The following STAU2 variants were observed in gnomAD, a reference collection of about 807,000 sequenced individuals.
STAU2 encodes staufen double-stranded RNA binding protein 2.
STAU2 carries 20 observed loss-of-function variants against 65.9 expected under a neutral mutation model. The ratio of observed to expected loss-of-function variants is 0.30; its 90% CI spans 0.21 to 0.44. STAU2 has a LOEUF of 0.44. Among genes scored for constraint, STAU2 ranks in the 20% least tolerant of loss-of-function variants. The pLI, the probability that STAU2 is intolerant of heterozygous loss-of-function variation, is 1.00. For missense variants in STAU2, 558 were observed against 683.9 expected (o/e 0.82, Z 2.05); for synonymous variants, 232 against 233.9 (o/e 0.99, Z 0.07).
intron 14 of STAU2, among the ~76,000 whole-genome samples, chr8:73,421,875 G>A (rs1000845423): frequency 2.0e-5 from 3 of 151,430 alleles, no homozygotes; most frequent in African/African-American, 7.3e-5. Context: ...GTTATCTCCT[G>A]CATGTGTTCT....
intron 13 of STAU2, among the ~76,000 whole-genome samples, chr8:73,455,656 TC>T (rs1292264642): frequency 6.6e-6 from 1 of 152,088 alleles, no homozygotes; most frequent in Non-Finnish European, 1.5e-5. Context: ...CCTCTTATCT[TC>T]CTCTGAAAAA....
At chr8:73,469,508 C>A (rs1199650215) in intron 13 of STAU2, among the ~76,000 whole-genome samples, 1 of 150,036 alleles carries the variant, frequency 6.7e-6, no homozygotes, top group East Asian at 1.9e-4. Context: ...TGGATGGAGA[C>A]TGAGTAGAAG....
At chr8:73,490,287 C>T (rs1242244912) in intron 13 of STAU2, among the ~76,000 whole-genome samples, 3 of 152,016 alleles carry the variant, frequency 2.0e-5, no homozygotes, top group Non-Finnish European at 2.9e-5. Flanking sequence ...CACCGCGCAA[C>T]CCTCTGCCTC....
At chr8:73,435,514 C>G (rs1021001793) in intron 13 of STAU2, among the ~76,000 whole-genome samples, 1 of 151,912 alleles carries the variant, frequency 6.6e-6, no homozygotes, top group Non-Finnish European at 1.5e-5. Flanking sequence ...GCAGGTAGCA[C>G]TCCATATTTC....
intron 6 of STAU2, among the ~76,000 whole-genome samples, chr8:73,641,593 C>A (rs1814973086): frequency 6.6e-6 from 1 of 152,062 alleles, no homozygotes; most frequent in Admixed American, 6.5e-5. Context: ...GATCTATGGC[C>A]AATTGAGTCT....
chr8:73,736,687 A>T (rs1034943425), intron 3 of STAU2, among the ~76,000 whole-genome samples: 1 of 152,230 alleles, frequency 6.6e-6, no homozygotes, highest in African/African-American at 2.4e-5. Context: ...TCTAAGATGT[A>T]TAAAGACATC....
intron 12 of STAU2, among the ~76,000 whole-genome samples, chr8:73,558,207 G>A (rs1476743386): frequency 6.6e-6 from 1 of 152,208 alleles, no homozygotes; most frequent in Non-Finnish European, 1.5e-5. Context: ...CTTAAATCCA[G>A]TAAGTAAATG....
In STAU2 at chr8:73,653,729, G is replaced by T. The variant is rs1816082888; in HGVS notation, c.410+19378C>A. On this transcript the variant is annotated intron_variant, in intron 6 of 14. Transcript: ENST00000524300. The stretch of plus-strand genomic sequence containing the variant: ...CATCAGAATTTTTAAAGCTGCCCAG[G>T]AAAGCCTGATGTTCAGTCAGTGTTA... 5 of 188,144 alleles carry T rather than the reference G, an allele frequency of 2.7e-5. No individual in the cohort carries two copies. The South Asian group carries it at 4.6e-4, about 17-fold the overall frequency. 11.7% of individuals were successfully genotyped at this position (188,144 alleles called of 1,614,324 possible).
chr8:73,733,379 A>G (rs1297570324), intron 3 of STAU2, among the ~76,000 whole-genome samples: 2 of 152,208 alleles, frequency 1.3e-5, no homozygotes, highest in Admixed American at 6.5e-5. Context: ...CTACTCATTT[A>G]AAAATATTAT....
At chr8:73,519,571 T>C (rs993731659) in intron 13 of STAU2, among the ~76,000 whole-genome samples, 1 of 152,210 alleles carries the variant, frequency 6.6e-6, no homozygotes, top group African/African-American at 2.4e-5. Flanking sequence ...ATTTACAGTA[T>C]GTGAATACAC....
At chr8:73,731,533 C>T (rs910598430) in intron 3 of STAU2, among the ~76,000 whole-genome samples, 1 of 152,140 alleles carries the variant, frequency 6.6e-6, no homozygotes, top group Non-Finnish European at 1.5e-5. Flanking sequence ...TGCTGCCTGT[C>T]ATCAATGTCT....
chr8:73,651,199 A>C, intron 6 of STAU2: 1 of 945,060 alleles, frequency 1.1e-6, no homozygotes, highest in Non-Finnish European at 1.6e-6. Flanking sequence ...GGCCGTCAGC[A>C]TCAAGGAGGC....
rs1484666566 is a variant in STAU2 at position 73,552,201 on chromosome 8, A to C, written c.1341T>G (p.Pro447=). ...GAGATATACTGAAGAAAGAGCTTGA[A>C]GGTTGGTTCATATCTTTGGGTGACA... The part of the protein sequence containing the change: ...GYLSPKDMNQ[P]SSSFFSISPT... The change falls in exon 13 of 15, where the codon CCT becomes CCG. Residue 447 remains proline (P), a synonymous_variant. Coordinates refer to ENST00000524300, the MANE Select transcript of STAU2 (RefSeq NM_001164380.2). The C allele has an allele frequency of 6.2e-7, 1 of 1,614,006 alleles. No individual in the cohort carries two copies. Among genetic ancestry groups the C allele is most frequent in the Non-Finnish European group, 8.5e-7 (1 of 1,179,894 alleles).
At chr8:73,421,563 C>T (rs1816378287) in intron 14 of STAU2, 98 bp from the exon 15 acceptor site, 1 of 1,081,520 alleles carries the variant, frequency 9.2e-7, no homozygotes, top group African/African-American at 1.6e-5. Context: ...AAGGTCACCA[C>T]AAAAGTGACA....
chr8:73,456,170 T>C (rs770276914), intron 13 of STAU2, among the ~76,000 whole-genome samples: 5 of 152,222 alleles, frequency 3.3e-5, no homozygotes, highest in Non-Finnish European at 7.3e-5. Flanking sequence ...TCATGGAGCA[T>C]TGTTCAGTTA....
At chr8:73,524,461 G>C (rs577283266) in intron 13 of STAU2, among the ~76,000 whole-genome samples, 36 of 152,278 alleles carry the variant, frequency 2.4e-4, no homozygotes, top group Non-Finnish European at 4.3e-4. Flanking sequence ...ACTTCTGATA[G>C]AGAAATTTCA....
intron 6 of STAU2, 95 bp downstream of exon 6, chr8:73,673,009 AATT>A: frequency 8.6e-7 from 1 of 1,168,222 alleles, no homozygotes; most frequent in Non-Finnish European, 1.1e-6. Flanking sequence ...GCCCAAGGTC[AATT>A]AGATTTACAA....
chr8:73,494,370 G>T (rs1443324306), intron 13 of STAU2, among the ~76,000 whole-genome samples: 1 of 151,554 alleles, frequency 6.6e-6, no homozygotes, highest in Admixed American at 6.6e-5. Flanking sequence ...AGGTATGTGG[G>T]TATTCACTAT....
intron 6 of STAU2, among the ~76,000 whole-genome samples, chr8:73,627,755 TAAAAAAAA>T (rs10540688): frequency 6.9e-6 from 1 of 143,952 alleles, no homozygotes; most frequent in Non-Finnish European, 1.5e-5. Context: ...TAAACCTTGT[TAAAAAAAA>T]AAAAAAAACA....
Sources: gnomAD v4.1 joint callset for allele counts (sites outside exome capture counted in the v4.1 genomes callset) on GRCh38, gnomAD v4.1.1 for gene constraint, MANE v1.5 for transcripts, NCBI Gene and HGNC (gene_info 2026-07-23, HGNC 2026-07-21) for gene names.